Variants in PHEX observed in about 807,000 individuals in gnomAD.
PHEX encodes the protein phosphate regulating endopeptidase X-linked.
Under a neutral mutation model 68.0 loss-of-function variants are expected in PHEX, and 16 were observed. The observed-to-expected ratio is 0.24, with a 90% CI of 0.16 to 0.36. The LOEUF is 0.36. Among genes scored for constraint, PHEX ranks in the 10% least tolerant of loss-of-function variants. PHEX has a pLI of 1.00. For missense variants in PHEX, 480 were observed against 575.5 expected, an observed-to-expected ratio of 0.83 and a Z score of 1.70; for synonymous variants, 208 against 205.1, an observed-to-expected ratio of 1.01 and a Z score of -0.12.
At chrX:22,105,991 TGTG>T (rs1472162182) in intron 9 of PHEX, among the ~76,000 whole-genome samples, 1 of 112,152 alleles carries the variant, frequency 8.9e-6, no homozygotes, top group Non-Finnish European at 1.9e-5. Flanking sequence ...TTGCTCTCTT[TGTG>T]GTGGGTGCTC....
chrX:22,180,287 A>G (rs1933845178), intron 14 of PHEX, among the ~76,000 whole-genome samples: 1 of 110,983 alleles, frequency 9.0e-6, no homozygotes, highest in Admixed American at 9.6e-5. Context: ...GCCAGTTCTC[A>G]GTCCACCTTC....
intron 3 of PHEX, among the ~76,000 whole-genome samples, chrX:22,057,695 T>C (rs2146998837): frequency 8.9e-6 from 1 of 111,912 alleles, no homozygotes; most frequent in East Asian, 2.8e-4. Flanking sequence ...GTGTACATGC[T>C]TGCTGTTCTT....
chrX:22,128,265 G>A (rs1166295174), intron 11 of PHEX, among the ~76,000 whole-genome samples: 2 of 108,914 alleles, frequency 1.8e-5, no homozygotes, highest in Non-Finnish European at 1.9e-5. Flanking sequence ...GTTTCACCAT[G>A]TTGGTCAGGC....
At chrX:22,075,104 G>C (rs1929092611) in intron 3 of PHEX, among the ~76,000 whole-genome samples, 1 of 108,214 alleles carries the variant, frequency 9.2e-6, no homozygotes, top group Non-Finnish European at 1.9e-5. Flanking sequence ...CTTGGGGCTA[G>C]TTATCTTGAT....
At chrX:22,052,650 T>A (rs1293840312) in intron 3 of PHEX, among the ~76,000 whole-genome samples, 4 of 111,917 alleles carry the variant, frequency 3.6e-5, no homozygotes, top group African/African-American at 1.3e-4. Flanking sequence ...GAATCCTGAT[T>A]CCCTTTCATT....
chrX:22,142,690 A>G (rs1028617402), intron 12 of PHEX, among the ~76,000 whole-genome samples: 1 of 112,399 alleles, frequency 8.9e-6, no homozygotes, highest in Non-Finnish European at 1.9e-5. Context: ...GTGCCAGTCA[A>G]TTCACTAACT....
chrX:22,125,801 T>C (rs961027556), intron 11 of PHEX, among the ~76,000 whole-genome samples: 3 of 109,372 alleles, frequency 2.7e-5, no homozygotes, highest in African/African-American at 6.8e-5. Context: ...CAAAAATGAC[T>C]TCACCTAAAA....
At chrX:22,234,796 G>A (rs1272770325) in intron 20 of PHEX, among the ~76,000 whole-genome samples, 1 of 100,128 alleles carries the variant, frequency 1.0e-5, no homozygotes, top group Non-Finnish European at 2.0e-5. Flanking sequence ...TCTTGCTGGC[G>A]TTCCCAGCAC....
intron 20 of PHEX, among the ~76,000 whole-genome samples, chrX:22,231,477 A>G (rs1426404296): frequency 1.8e-5 from 2 of 110,140 alleles, no homozygotes; most frequent in Middle Eastern, 4.6e-3. Flanking sequence ...CAGGGATTCA[A>G]CTTCTACCTG....
chrX:22,209,766 CCT>C (rs1412387320), intron 15 of PHEX, among the ~76,000 whole-genome samples: 1 of 98,157 alleles, frequency 1.0e-5, no homozygotes, highest in Non-Finnish European at 2.0e-5. Context: ...CCCTCTCCTC[CCT>C]CTCCTCCCTC....
intron 12 of PHEX, among the ~76,000 whole-genome samples, chrX:22,139,298 C>T (rs1932358422): frequency 9.0e-6 from 1 of 111,362 alleles, no homozygotes; most frequent in African/African-American, 3.3e-5. Context: ...TTTGGCTGGA[C>T]CAGACGGTGA....
At chrX:22,225,938 C>T (rs761206356) in intron 18 of PHEX, among the ~76,000 whole-genome samples, 1 of 112,069 alleles carries the variant, frequency 8.9e-6, no homozygotes, top group East Asian at 2.8e-4. Flanking sequence ...TTTGATTTTT[C>T]TTCCCTAGGA....
chrX:22,234,169 C>T (rs1440896531), intron 20 of PHEX, among the ~76,000 whole-genome samples: 2 of 112,920 alleles, frequency 1.8e-5, no homozygotes, highest in African/African-American at 6.4e-5. Context: ...GGAAGCTTTG[C>T]CCCAGAGGGG....
chrX:22,095,378 C>T (rs1930089915), intron 7 of PHEX, among the ~76,000 whole-genome samples: 4 of 111,776 alleles, frequency 3.6e-5, no homozygotes, highest in Non-Finnish European at 7.5e-5. Context: ...AAGGCCTTGC[C>T]CTGAGCCAGG....
At chrX:22,130,840 C>G (rs1369989953) in intron 11 of PHEX, among the ~76,000 whole-genome samples, 1 of 109,932 alleles carries the variant, frequency 9.1e-6, no homozygotes, top group Non-Finnish European at 1.9e-5. Context: ...TCATAGACTC[C>G]TTGACCCTTA....
chrX:22,199,175 A>G (rs770506413), intron 15 of PHEX, among the ~76,000 whole-genome samples: 19 of 110,995 alleles, frequency 1.7e-4, no homozygotes, highest in Non-Finnish European at 3.2e-4. Context: ...CCTTAATCCT[A>G]GTATTAAAGA....
At position 22,248,848 on chromosome X, in the gene PHEX, G is replaced by A. The variant is rs749711087; in HGVS notation, c.*895G>A. The A allele has an allele frequency of 1.8e-5, 2 of 111,091 alleles. No homozygotes were observed. Among genetic ancestry groups the A allele is most frequent in the Admixed American group, 9.6e-5 (1 of 10,464 alleles). The allele number at this position is 111,091 out of a possible 1,213,427, so 9.2% of individuals were successfully genotyped here. A position where few individuals can be genotyped will look rare whatever the true frequency, so the allele number is the denominator to read the frequency against. ...TTCGTTTCATTACCTTCATATGTGT[G>A]CATTGTACTGGTTTTGAAATGAGCA... On this transcript the variant is annotated 3_prime_UTR_variant, in exon 22 of 22. Coordinates refer to ENST00000379374, the MANE Select transcript of PHEX (RefSeq NM_000444.6).
At chrX:22,073,640 T>G (rs1027380667) in intron 3 of PHEX, among the ~76,000 whole-genome samples, 1 of 91,309 alleles carries the variant, frequency 1.1e-5, no homozygotes, top group Admixed American at 1.2e-4. Flanking sequence ...CTATAGTTTT[T>G]TTTTTTTTTT....
chrX:22,072,272 A>C (rs1339928244), intron 3 of PHEX, among the ~76,000 whole-genome samples: 1 of 110,438 alleles, frequency 9.1e-6, no homozygotes, highest in Admixed American at 9.6e-5. Context: ...ATAGCTGGGC[A>C]TGGTGACATG....
Sources: gnomAD v4.1 joint callset for allele counts (sites outside exome capture counted in the v4.1 genomes callset) on GRCh38, gnomAD v4.1.1 for gene constraint, MANE v1.5 for transcripts, NCBI Gene and HGNC (gene_info 2026-07-23, HGNC 2026-07-21) for gene names.